Variants in TYW1 observed in about 807,000 individuals in gnomAD.
TYW1 encodes tRNA-yW synthesizing protein 1 homolog, also known as S-adenosyl-L-methionine-dependent tRNA 4-demethylwyosine synthase TYW1.
Under a neutral mutation model 96.2 loss-of-function variants are expected in TYW1, and 46 were observed. That is an observed-to-expected ratio of 0.48 (90% CI 0.38 to 0.61). The LOEUF is 0.61. Among genes scored for constraint, TYW1 ranks in the 20% least tolerant of loss-of-function variants. The pLI, the probability that TYW1 is intolerant of heterozygous loss-of-function variation, is 0.00. For synonymous variants in TYW1, 274 were observed against 323.0 expected, an observed-to-expected ratio of 0.85 and a Z score of 1.63; for missense variants, 684 against 909.6, an observed-to-expected ratio of 0.75 and a Z score of 3.19.
chr7:67,147,704 A>G (rs561480696), intron 13 of TYW1, among the ~76,000 whole-genome samples: 2 of 152,130 alleles, frequency 1.3e-5, no homozygotes, highest in East Asian at 1.9e-4. Flanking sequence ...GTGTTAGTTT[A>G]CTGAGGATAA....
intron 15 of TYW1, among the ~76,000 whole-genome samples, chr7:67,231,651 C>G (rs2116446780): frequency 6.6e-6 from 1 of 152,204 alleles, no homozygotes; most frequent in Non-Finnish European, 1.5e-5. Flanking sequence ...AAAAGGCATT[C>G]AGATTCCTAA....
chr7:67,096,171 C>T (rs1796905810), intron 11 of TYW1, among the ~76,000 whole-genome samples: 4 of 152,118 alleles, frequency 2.6e-5, no homozygotes, highest in South Asian at 2.1e-4. Flanking sequence ...GGGCAGATCA[C>T]GAGGTCAGGA....
At chr7:67,062,604 G>T (rs1795731427) in intron 9 of TYW1, among the ~76,000 whole-genome samples, 1 of 133,864 alleles carries the variant, frequency 7.5e-6, no homozygotes, top group African/African-American at 2.9e-5. Flanking sequence ...CAAATCATCA[G>T]TATCAGGAAT....
At position 67,152,643 on chromosome 7, in the gene TYW1, C is replaced by T. The variant is rs184549149; in HGVS notation, c.1699-30483C>T. Among the ~76,000 whole-genome samples, 14 of 152,182 alleles carry T rather than the reference C, an allele frequency of 9.2e-5. No homozygotes were observed. The East Asian group carries it at 1.7e-3, about 19-fold the overall frequency. ...TTGAGACAGAGTCTCCCTCTGTCAC[C>T]CAGGCTAGAGTGCAGTGGCATGATC... On this transcript the variant is annotated intron_variant, in intron 13 of 15. Coordinates refer to ENST00000359626, the MANE Select transcript of TYW1 (RefSeq NM_018264.4).
chr7:67,088,428 G>A (rs1796613733), intron 11 of TYW1, among the ~76,000 whole-genome samples: 1 of 152,150 alleles, frequency 6.6e-6, no homozygotes, highest in Non-Finnish European at 1.5e-5. Flanking sequence ...TGGAAAACTG[G>A]TGGTAGTCTG....
intron 11 of TYW1, 100 bp downstream of exon 11, chr7:67,083,639 G>A (rs1796450401): frequency 3.8e-6 from 5 of 1,320,278 alleles, no homozygotes; most frequent in Non-Finnish European, 5.2e-6. Context: ...GTCCCCACTG[G>A]CAAATTTTCC....
chr7:67,000,845 A>C (rs1456807846), intron 3 of TYW1, among the ~76,000 whole-genome samples: 3 of 152,176 alleles, frequency 2.0e-5, no homozygotes, highest in Non-Finnish European at 2.9e-5. Flanking sequence ...ACTACTTCAG[A>C]GGGTTCTACT....
At position 67,140,050 on chromosome 7, in the gene TYW1, C is replaced by T. The variant is rs539166197; in HGVS notation, c.1698+22432C>T. Among the ~76,000 whole-genome samples, 242 of 150,924 alleles carry T rather than the reference C, an allele frequency of 1.6e-3. 2 individuals carry two copies. The highest frequency in any genetic ancestry group is 2.1e-3 in the Non-Finnish European group (141 of 67,826). On this transcript the variant is annotated intron_variant, in intron 13 of 15. Coordinates refer to ENST00000359626, the MANE Select transcript of TYW1 (RefSeq NM_018264.4). The stretch of plus-strand genomic sequence containing the variant: ...TGATGGAAGGCAAGGAGGAGCAAGT[C>T]ACATCTTACATGGATGGTGGCAGGC...
chr7:67,021,325 T>C (rs1284570512), intron 6 of TYW1, among the ~76,000 whole-genome samples: 2 of 152,290 alleles, frequency 1.3e-5, no homozygotes, highest in Non-Finnish European at 2.9e-5. Context: ...CTTTCTCTGC[T>C]ACATTTTCTT....
At chr7:67,109,941 G>T (rs183032291) in intron 12 of TYW1, among the ~76,000 whole-genome samples, 1 of 152,142 alleles carries the variant, frequency 6.6e-6, no homozygotes. Context: ...CAGCCCAGCC[G>T]CTGTGGGAGG....
chr7:67,121,382 A>G (rs1273164946), intron 13 of TYW1, among the ~76,000 whole-genome samples: 1 of 152,100 alleles, frequency 6.6e-6, no homozygotes, highest in Non-Finnish European at 1.5e-5. Context: ...CTACAAATAC[A>G]AAAAAACAAT....
At chr7:67,115,433 A>T (rs1333517017) in intron 12 of TYW1, among the ~76,000 whole-genome samples, 1 of 152,164 alleles carries the variant, frequency 6.6e-6, no homozygotes, top group Non-Finnish European at 1.5e-5. Context: ...TCCCCTTAGT[A>T]TATCGGTATT....
intron 3 of TYW1, among the ~76,000 whole-genome samples, chr7:67,006,207 T>G (rs1793580922): frequency 6.6e-6 from 1 of 152,166 alleles, no homozygotes; most frequent in East Asian, 1.9e-4. Flanking sequence ...CTCGTGACAG[T>G]GAGTTCTCAT....
intron 9 of TYW1, among the ~76,000 whole-genome samples, chr7:67,056,846 G>A (rs1310865483): frequency 6.6e-6 from 1 of 152,114 alleles, no homozygotes; most frequent in African/African-American, 2.4e-5. Flanking sequence ...AACTTTAGAA[G>A]AAACTCCGAA....
chr7:67,108,998 G>T (rs1797320711), intron 12 of TYW1, among the ~76,000 whole-genome samples: 2 of 152,046 alleles, frequency 1.3e-5, no homozygotes, highest in South Asian at 4.1e-4. Context: ...ATGAGGCCGG[G>T]TGCGGTGGCT....
chr7:67,075,457 A>G (rs1318777417), intron 10 of TYW1, among the ~76,000 whole-genome samples: 1 of 152,220 alleles, frequency 6.6e-6, no homozygotes. Context: ...AGATATTCAT[A>G]ATATCCAAAA....
At chr7:67,203,733 CT>C (rs1800675295) in intron 15 of TYW1, among the ~76,000 whole-genome samples, 1 of 152,186 alleles carries the variant, frequency 6.6e-6, no homozygotes, top group Non-Finnish European at 1.5e-5. Flanking sequence ...GTTGTTCGTT[CT>C]TTCTTCCAGA....
chr7:67,174,015 G>T (rs1799590444), intron 13 of TYW1, among the ~76,000 whole-genome samples: 1 of 141,680 alleles, frequency 7.1e-6, no homozygotes. Context: ...AGTGGCAAAT[G>T]GTTTTCCTGG....
At chr7:67,225,235 C>T (rs1801523686) in intron 15 of TYW1, among the ~76,000 whole-genome samples, 2 of 148,404 alleles carry the variant, frequency 1.3e-5, no homozygotes, top group South Asian at 4.3e-4. Context: ...TGTCCAAGGG[C>T]AAGTAGGACA....
Sources: gnomAD v4.1 joint callset for allele counts (sites outside exome capture counted in the v4.1 genomes callset) on GRCh38, gnomAD v4.1.1 for gene constraint, MANE v1.5 for transcripts, NCBI Gene and HGNC (gene_info 2026-07-23, HGNC 2026-07-21) for gene names.